The following TTC7B variants were observed in gnomAD, a reference collection of about 807,000 sequenced individuals.
The protein encoded by TTC7B is tetratricopeptide repeat domain 7B.
A neutral mutation model predicts 106.8 loss-of-function variants in TTC7B; 28 were observed. The ratio of observed to expected loss-of-function variants is 0.26; its 90% CI spans 0.19 to 0.36. The LOEUF is 0.36. Among genes scored for constraint, TTC7B ranks in the 10% least tolerant of loss-of-function variants. TTC7B has a pLI of 1.00. For synonymous variants in TTC7B, 405 were observed against 430.6 expected (o/e 0.94, Z 0.74); for missense variants, 862 against 1,076.4 (o/e 0.80, Z 2.79).
At chr14:90,623,169 G>A (rs944341466) in intron 15 of TTC7B, among the ~76,000 whole-genome samples, 1 of 152,166 alleles carries the variant, frequency 6.6e-6, no homozygotes, top group South Asian at 2.1e-4. Flanking sequence ...TAAAAAACAC[G>A]AGAGCTCACA....
chr14:90,803,526 T>C (rs1208013769), intron 1 of TTC7B, among the ~76,000 whole-genome samples: 2 of 152,156 alleles, frequency 1.3e-5, no homozygotes, highest in Non-Finnish European at 2.9e-5. Flanking sequence ...CCGACTCCCA[T>C]AACTCTCCTG....
chr14:90,756,384 G>GTTTTTTTTTT (rs369068692), intron 3 of TTC7B, among the ~76,000 whole-genome samples: 56 of 126,738 alleles, frequency 4.4e-4, no homozygotes, highest in Non-Finnish European at 7.3e-4. Flanking sequence ...TTTTTTTTTT[G>GTTTTTTTTTT]TTTTTTTTTT....
chr14:90,723,825 G>A (rs534322511), intron 5 of TTC7B, among the ~76,000 whole-genome samples: 10 of 152,292 alleles, frequency 6.6e-5, no homozygotes, highest in Non-Finnish European at 1.2e-4. Flanking sequence ...CTCCCTGAGA[G>A]CCTGGACTAT....
At chr14:90,602,122 A>G (rs528233200) in intron 17 of TTC7B, 1 of 456,060 alleles carries the variant, frequency 2.2e-6, no homozygotes, top group South Asian at 1.5e-5. Context: ...CCATAAGCTA[A>G]AGGCTCAGGT....
At chr14:90,548,197 C>CTCT (rs1200413937) in intron 19 of TTC7B, among the ~76,000 whole-genome samples, 2 of 152,224 alleles carry the variant, frequency 1.3e-5, no homozygotes. Flanking sequence ...TGAGCTGTCC[C>CTCT]TCACCACATC....
At chr14:90,605,060 C>G (rs558271790) in intron 17 of TTC7B, among the ~76,000 whole-genome samples, 28 of 152,250 alleles carry the variant, frequency 1.8e-4, no homozygotes, top group African/African-American at 6.0e-4. Context: ...CCACCTCAGG[C>G]CTAATGAATA....
intron 19 of TTC7B, among the ~76,000 whole-genome samples, chr14:90,546,152 G>A (rs1362429582): frequency 6.6e-6 from 1 of 152,238 alleles, no homozygotes; most frequent in African/African-American, 2.4e-5. Flanking sequence ...TGCAGTCAGA[G>A]CCACTGCCTG....
In TTC7B at chr14:90,534,696, C is replaced by T. The variant is rs138389672; in HGVS notation, c.*6672G>A. ...GGGGGCATTGGAGGGAGACAGTGGC[C>T]AGAGTGGCTGACCCTGCCCTGAAAT... On this transcript the variant is annotated 3_prime_UTR_variant, in exon 20 of 20. Transcript: ENST00000328459. 6.4e-3 allele frequency: 978 copies of T among 152,458 alleles called. 11 individuals carry two copies. Among genetic ancestry groups the T allele is most frequent in the Non-Finnish European group, 0.011 (729 of 68,168 alleles). The allele number at this position is 152,458 out of a possible 1,614,324, so 9.4% of individuals were successfully genotyped here.
intron 5 of TTC7B, among the ~76,000 whole-genome samples, chr14:90,718,420 A>G (rs929522438): frequency 2.0e-5 from 3 of 152,244 alleles, no homozygotes; most frequent in African/African-American, 4.8e-5. Flanking sequence ...CAGGGTAGAA[A>G]GCAGAGGTCT....
At chr14:90,606,314 G>A (rs563747271) in intron 17 of TTC7B, among the ~76,000 whole-genome samples, 31 of 152,242 alleles carry the variant, frequency 2.0e-4, no homozygotes, top group Non-Finnish European at 3.8e-4. Flanking sequence ...AAGCCGGTAT[G>A]GCTGCCTTCA....
intron 19 of TTC7B, among the ~76,000 whole-genome samples, chr14:90,565,965 A>T (rs931928538): frequency 1.3e-5 from 2 of 152,206 alleles, no homozygotes; most frequent in African/African-American, 4.8e-5. Flanking sequence ...AAAGATCACA[A>T]CAGATGTAAT....
chr14:90,558,629 T>C (rs1306021609), intron 19 of TTC7B, among the ~76,000 whole-genome samples: 2 of 152,242 alleles, frequency 1.3e-5, no homozygotes, highest in Non-Finnish European at 2.9e-5. Flanking sequence ...CTGATAGGCC[T>C]TGGAAAATTT....
At chr14:90,644,261 A>G (rs1174125225) in intron 14 of TTC7B, 53 bp from the exon 15 acceptor site, 22 of 1,252,908 alleles carry the variant, frequency 1.8e-5, no homozygotes, top group South Asian at 1.3e-4. Context: ...GCACACGCAC[A>G]CACACACACA....
intron 5 of TTC7B, among the ~76,000 whole-genome samples, chr14:90,696,917 G>A (rs956226288): frequency 1.3e-5 from 2 of 152,292 alleles, no homozygotes; most frequent in Non-Finnish European, 2.9e-5. Flanking sequence ...TTGTTTTTAT[G>A]GGATCCATGT....
At chr14:90,763,205 T>C (rs1890557847) in intron 3 of TTC7B, among the ~76,000 whole-genome samples, 1 of 152,206 alleles carries the variant, frequency 6.6e-6, no homozygotes, top group Admixed American at 6.5e-5. Context: ...TGGGATTTAA[T>C]TCAGGAATGC....
Position 90,578,395 on chromosome 14 carries a change from G to T in TTC7B, c.2108-87C>A. ...CACCACTCTGATGTTCGTGTTCCCT[G>T]CACGGGAGTCTGGCGGGGCGCAGAG... is the stretch of plus-strand genomic sequence containing the variant. On this transcript the variant is annotated intron_variant, in intron 18 of 19. Coordinates refer to ENST00000328459, the MANE Select transcript of TTC7B (RefSeq NM_001010854.2). This position sits in a 1 kb window ranked among gnomAD's most constrained non-coding sequence, Gnocchi z 4.7. 2 of 1,401,680 alleles carry T rather than the reference G, an allele frequency of 1.4e-6. No homozygotes were observed. Among genetic ancestry groups the T allele is most frequent in the Non-Finnish European group, 2.0e-6 (2 of 1,011,490 alleles). The allele number at this position is 1,401,680 out of a possible 1,614,324, so 86.8% of individuals were successfully genotyped here.
intron 2 of TTC7B, among the ~76,000 whole-genome samples, chr14:90,783,562 C>T (rs1057339168): frequency 6.6e-6 from 1 of 152,156 alleles, no homozygotes; most frequent in Non-Finnish European, 1.5e-5. Flanking sequence ...AAACATGAAG[C>T]TCAGAGAGGT....
intron 15 of TTC7B, among the ~76,000 whole-genome samples, chr14:90,638,995 T>C (rs1485876215): frequency 6.6e-6 from 1 of 152,162 alleles, no homozygotes; most frequent in Non-Finnish European, 1.5e-5. Context: ...CAATTGAATA[T>C]CCTATGGGGA....
chr14:90,699,632 G>A (rs76003062), intron 5 of TTC7B, among the ~76,000 whole-genome samples: 8,669 of 152,246 alleles, frequency 0.057, 278 homozygotes, highest in South Asian at 0.12. Context: ...TTATGTGGCT[G>A]AGAATCTTAT....
Sources: allele counts gnomAD v4.1 joint callset (sites outside exome capture counted in the v4.1 genomes callset), GRCh38; gene constraint gnomAD v4.1.1; non-coding constraint Gnocchi (gnomAD v3.1); transcripts MANE v1.5; gene names NCBI Gene and HGNC (gene_info 2026-07-23, HGNC 2026-07-21).